The following NADSYN1 variants were observed in gnomAD, a reference collection of about 807,000 sequenced individuals.
The protein encoded by NADSYN1 is NAD synthetase 1, also known as glutamine-dependent NAD(+) synthetase.
NADSYN1 carries 80 observed loss-of-function variants against 99.3 expected under a neutral mutation model. The ratio of observed to expected loss-of-function variants is 0.81; its 90% confidence interval spans 0.67 to 0.97. The LOEUF (loss-of-function observed/expected upper bound fraction) is 0.97. Ranked by LOEUF, NADSYN1 falls within the 50% of genes least tolerant of loss-of-function variation. The probability of loss-of-function intolerance (pLI) is 0.00; values close to 1 mark genes in which losing one functional copy is unlikely to be tolerated. For synonymous variants in NADSYN1, 385 were observed against 372.1 expected, an observed-to-expected ratio of 1.03 and a Z score of -0.40; for missense variants, 859 against 948.5, an observed-to-expected ratio of 0.91 and a Z score of 1.24.
At chr11:71,482,610 C>T (rs531719884) in intron 13 of NADSYN1, 49 of 363,550 alleles carry the variant, frequency 1.3e-4, no homozygotes, top group African/African-American at 1.3e-3. Flanking sequence ...GGGGTGGAGT[C>T]ACACGGGCAC....
chr11:71,480,468 C>T (rs1236293512), intron 10 of NADSYN1, among the ~76,000 whole-genome samples: 4 of 152,170 alleles, frequency 2.6e-5, no homozygotes, highest in Non-Finnish European at 5.9e-5. Flanking sequence ...GCCACCGTGC[C>T]TGGCTCTGTT....
At chr11:71,468,453 T>A (rs932010760) in intron 5 of NADSYN1, among the ~76,000 whole-genome samples, 13 of 152,126 alleles carry the variant, frequency 8.5e-5, no homozygotes, top group Non-Finnish European at 1.3e-4. Context: ...TGACTTTAGT[T>A]GAGAGACACA....
Position 71,473,673 on chromosome 11 carries a change from T to C in NADSYN1, c.653T>C (p.Met218Thr), listed in dbSNP as rs757972912. 9 of 1,611,982 alleles carry C rather than the reference T, an allele frequency of 5.6e-6. No homozygotes were observed. The East Asian group carries it at 1.3e-4, about 24-fold the overall frequency. Reference sequence around the variant, plus strand: ...AACACCAGGGTGGATCTCGTGACTATGGTCACCAGCAAGGTAGGGGCTGGG... The same window carrying C: ...AACACCAGGGTGGATCTCGTGACTACGGTCACCAGCAAGGTAGGGGCTGGG... Reference protein sequence around the residue: ...KANTRVDLVTMVTSKNGGIYL... With the variant: ...KANTRVDLVTTVTSKNGGIYL... Residue 218 changes from methionine (M) to threonine (T), a missense_variant, in exon 8 of 21, where the codon ATG becomes ACG. Met to Thr is a moderately conservative substitution (Grantham distance 81, BLOSUM62 -1). Coordinates refer to ENST00000319023, the MANE Select transcript of NADSYN1 (RefSeq NM_018161.5).
intron 9 of NADSYN1, chr11:71,475,638 A>C (rs1370304745): frequency 5.2e-6 from 1 of 192,930 alleles, no homozygotes; most frequent in Non-Finnish European, 1.1e-5. Flanking sequence ...CGTTATCGCC[A>C]TGGAGGCAAA....
intron 5 of NADSYN1, among the ~76,000 whole-genome samples, chr11:71,468,824 C>A (rs1949609737): frequency 6.6e-6 from 1 of 152,224 alleles, no homozygotes; most frequent in Non-Finnish European, 1.5e-5. Context: ...AGGTTCATTT[C>A]ATTTACCAGC....
chr11:71,477,934 A>C (rs1203794641), intron 9 of NADSYN1, among the ~76,000 whole-genome samples: 1 of 152,246 alleles, frequency 6.6e-6, no homozygotes, highest in Non-Finnish European at 1.5e-5. Context: ...CAGAGGCAGC[A>C]AAGTGGCCTT....
chr11:71,481,169 A>T, intron 11 of NADSYN1, 187 bp from the exon 12 acceptor site: 1 of 691,448 alleles, frequency 1.4e-6, no homozygotes, highest in Non-Finnish European at 2.5e-6. Flanking sequence ...GATAATACCC[A>T]CGTCCTGGGT....
Position 71,473,284 on chromosome 11 carries a change from G to C in NADSYN1, c.466G>C (p.Val156Leu). 6.2e-7 allele frequency: 1 copy of C among 1,614,070 alleles called. No individual in the cohort carries two copies. Among genetic ancestry groups the C allele is most frequent in the African/African-American group, 1.3e-5 (1 of 75,058 alleles). Residue 156 changes from valine to leucine, a missense_variant, in exon 7 of 21, where the codon GTA becomes CTA. Coordinates refer to ENST00000319023, the MANE Select transcript of NADSYN1 (RefSeq NM_018161.5). ...MIQDLTKQET[V>L]PFGDAVLVTW... ...TCTTCTCTTCCGACTGCAGGAAACC[G>C]TACCCTTCGGAGATGCGGTGCTGGT...
chr11:71,477,803 A>G (rs1040897556), intron 9 of NADSYN1, among the ~76,000 whole-genome samples: 2 of 152,100 alleles, frequency 1.3e-5, no homozygotes, highest in Non-Finnish European at 2.9e-5. Flanking sequence ...TGTTGGCCTC[A>G]GTCTCAGGTT....
rs779756038 is a variant in NADSYN1 at position 71,490,917 on chromosome 11, G to A, written c.1635G>A (p.Thr545=). Residue 545 remains threonine, a synonymous_variant, in exon 17 of 21, where the codon ACG becomes ACA. Transcript: ENST00000319023. ...DINPIGGISK[T]DLRAFVQFCI... ...ACCCCATAGGCGGGATCAGCAAGAC[G>A]GACCTCAGGGCCTTCGTCCAGTTCT... 1.1e-5 allele frequency: 18 copies of A among 1,614,090 alleles called. No homozygotes were observed. Among genetic ancestry groups the A allele is most frequent in the East Asian group, 2.2e-5 (1 of 44,898 alleles).
chr11:71,467,783 G>T (rs986410205), intron 5 of NADSYN1, among the ~76,000 whole-genome samples: 2 of 152,184 alleles, frequency 1.3e-5, no homozygotes, highest in Admixed American at 1.3e-4. Context: ...GATAATGGAG[G>T]TTATAGAGAA....
At chr11:71,458,669 T>TA in intron 3 of NADSYN1, 125 bp downstream of exon 3, 1 of 709,210 alleles carries the variant, frequency 1.4e-6, no homozygotes, top group Admixed American at 2.2e-5. Context: ...CGAAAGGCCT[T>TA]ATGCTTGAAA....
chr11:71,477,119 A>G, intron 9 of NADSYN1: 5 of 1,132,284 alleles, frequency 4.4e-6, no homozygotes, highest in Non-Finnish European at 5.5e-6. Flanking sequence ...CTGCTCAAGC[A>G]ACAGACCTGC....
At chr11:71,455,963 G>A (rs1426121037) in intron 2 of NADSYN1, among the ~76,000 whole-genome samples, 1 of 152,230 alleles carries the variant, frequency 6.6e-6, no homozygotes, top group East Asian at 1.9e-4. Flanking sequence ...AAAACAATGA[G>A]TAGCCACGTT....
At chr11:71,495,686 G>A (rs1949814286) in intron 18 of NADSYN1, among the ~76,000 whole-genome samples, 1 of 152,258 alleles carries the variant, frequency 6.6e-6, no homozygotes, top group African/African-American at 2.4e-5. Context: ...CTCACTTCAT[G>A]GGAAAGAAAC....
At position 71,486,609 on chromosome 11, in the gene NADSYN1, A is replaced by G. The variant is rs370907738; in HGVS notation, c.1562+961A>G. Among the ~76,000 whole-genome samples the G allele has an allele frequency of 1.3e-3, 196 of 151,546 alleles. 5 individuals carry two copies. In the South Asian group the frequency reaches 0.038, roughly 29 times the overall value. On this transcript the variant is annotated intron_variant, in intron 16 of 20. Coordinates refer to ENST00000319023, the MANE Select transcript of NADSYN1 (RefSeq NM_018161.5). Reference sequence around the variant, plus strand: ...CACCCATCTATCCATTTATCCACCAATGTGTCTGTCCATCCACCCATCTGT... The same window carrying G: ...CACCCATCTATCCATTTATCCACCAGTGTGTCTGTCCATCCACCCATCTGT...
intron 10 of NADSYN1, 125 bp downstream of exon 10, chr11:71,478,594 G>GA: frequency 3.5e-6 from 3 of 845,874 alleles, no homozygotes; most frequent in Non-Finnish European, 5.8e-6. Context: ...GGAAGTTCCG[G>GA]ACTTCCCGAG....
At chr11:71,466,291 G>A (rs1411023312) in intron 5 of NADSYN1, among the ~76,000 whole-genome samples, 2 of 152,234 alleles carry the variant, frequency 1.3e-5, no homozygotes, top group East Asian at 3.9e-4. Flanking sequence ...TCAGCCACTT[G>A]GACTTTCACT....
Position 71,483,370 on chromosome 11 carries a change from G to A in NADSYN1, c.1319+353G>A, listed in dbSNP as rs3794068. Among the ~76,000 whole-genome samples, 385 of 152,168 alleles carry A rather than the reference G, an allele frequency of 2.5e-3. 10 individuals carry two copies. In the East Asian group the frequency reaches 0.06, roughly 24 times the overall value. On this transcript the variant is annotated intron_variant, in intron 14 of 20. Coordinates refer to ENST00000319023, the MANE Select transcript of NADSYN1 (RefSeq NM_018161.5). ...TGGTGCCTGCAATTTCTGCCCTTCT[G>A]TCCCCTCACTCCTGGCATTCCCAGT...
Sources: gnomAD v4.1 joint callset for allele counts (sites outside exome capture counted in the v4.1 genomes callset) on GRCh38, gnomAD v4.1.1 for gene constraint, MANE v1.5 for transcripts, NCBI Gene and HGNC (gene_info 2026-07-23, HGNC 2026-07-21) for gene names.